FBXO42: variants seen among roughly 807,000 people sequenced by gnomAD.
FBXO42 encodes the protein F-box only protein 42.
A neutral mutation model predicts 71.7 loss-of-function variants in FBXO42; 12 were observed. The observed-to-expected ratio is 0.17, with a 90% CI of 0.11 to 0.27. The LOEUF (loss-of-function observed/expected upper bound fraction) is 0.27, where lower values mean the gene tolerates loss of function less well. FBXO42 is among the 10% of genes least tolerant of loss of function. The probability of loss-of-function intolerance (pLI) is 1.00; values close to 1 mark genes in which losing one functional copy is unlikely to be tolerated. For missense variants in FBXO42, 707 were observed against 911.9 expected, an observed-to-expected ratio of 0.78 and a Z score of 2.89; for synonymous variants, 325 against 327.5, an observed-to-expected ratio of 0.99 and a Z score of 0.08.
chr1:16,261,694 A>C (rs2081713104), intron 4 of FBXO42, among the ~76,000 whole-genome samples: 1 of 145,344 alleles, frequency 6.9e-6, no homozygotes, highest in South Asian at 2.1e-4. Context: ...TCAAGGATAC[A>C]GGTATATCAA....
At chr1:16,309,004 A>G (rs1304789723) in intron 2 of FBXO42, among the ~76,000 whole-genome samples, 1 of 141,144 alleles carries the variant, frequency 7.1e-6, no homozygotes, top group Non-Finnish European at 1.5e-5. Flanking sequence ...CGGCCTCCCA[A>G]AATGCTGGGA....
rs12070168 is a variant in FBXO42, at chr1:16,313,792, C to G, written c.250+1377G>C. On this transcript the variant is annotated intron_variant, in intron 2 of 9. Coordinates refer to ENST00000375592, the MANE Select transcript of FBXO42 (RefSeq NM_018994.3). ...CCCAGGAAAGAACACATTGAGACAACCCTCGCTTGATAAAAAATGACTCCA... is the reference window on the plus strand; with the variant it reads ...CCCAGGAAAGAACACATTGAGACAAGCCTCGCTTGATAAAAAATGACTCCA... Among the ~76,000 whole-genome samples the G allele has an allele frequency of 5.9e-3, 902 of 152,268 alleles. 7 individuals carry two copies. The highest frequency in any genetic ancestry group is 0.021 in the African/African-American group (866 of 41,552).
rs769724319 is a variant in FBXO42, at chr1:16,315,313, A to G, written c.106T>C (p.Leu36=). Reference sequence around the variant, plus strand: ...TTATGTCTAGTCTCCTCAGCCTCCAATACTGGGTGGGGCTCCTCATCTTGA... The same window carrying G: ...TTATGTCTAGTCTCCTCAGCCTCCAGTACTGGGTGGGGCTCCTCATCTTGA... The part of the protein sequence containing the change: ...MDQDEEPHPV[L]EAEETRHNRS... Residue 36 remains leucine (L), a synonymous_variant, in exon 2 of 10, where the codon TTG becomes CTG. Coordinates refer to ENST00000375592, the MANE Select transcript of FBXO42 (RefSeq NM_018994.3). 1 of 1,614,110 alleles carries G rather than the reference A, an allele frequency of 6.2e-7. No individual in the cohort carries two copies. The highest frequency in any genetic ancestry group is 8.5e-7 in the Non-Finnish European group (1 of 1,180,014).
intron 1 of FBXO42, among the ~76,000 whole-genome samples, chr1:16,348,306 TACA>T (rs1348085848): frequency 2.6e-5 from 4 of 151,606 alleles, no homozygotes; most frequent in Non-Finnish European, 5.9e-5. Flanking sequence ...AAATTAATTG[TACA>T]ACAACTACAG....
chr1:16,305,479 G>A (rs753026187), intron 3 of FBXO42, among the ~76,000 whole-genome samples: 1 of 152,182 alleles, frequency 6.6e-6, no homozygotes, highest in Non-Finnish European at 1.5e-5. Flanking sequence ...CACTCTGGGA[G>A]GCCAAGGCAG....
At chr1:16,347,105 A>AG (rs2082660118) in intron 1 of FBXO42, among the ~76,000 whole-genome samples, 2 of 152,160 alleles carry the variant, frequency 1.3e-5, no homozygotes, top group African/African-American at 4.8e-5. Flanking sequence ...TACATTTATC[A>AG]GATTTATATA....
chr1:16,320,373 A>AAG (rs1413793693), intron 1 of FBXO42, among the ~76,000 whole-genome samples: 2 of 151,730 alleles, frequency 1.3e-5, no homozygotes, highest in Non-Finnish European at 2.9e-5. Flanking sequence ...AAAAAAAAAA[A>AAG]AAAAAATCAA....
chr1:16,333,440 C>A (rs921752550), intron 1 of FBXO42, among the ~76,000 whole-genome samples: 2 of 135,524 alleles, frequency 1.5e-5, no homozygotes, highest in African/African-American at 2.7e-5. Context: ...AGTGAGACCC[C>A]CCCCCCCCAT....
rs1283019870 is a variant in FBXO42, at chr1:16,270,551, AG to A, written c.503-13793del. ...TTATTCACCAGAGCCTTCAAGATAAAGGCCAGGCCAGGTGCAGTGGCTCACG... is the reference window on the plus strand; with the variant it reads ...TTATTCACCAGAGCCTTCAAGATAAAGCCAGGCCAGGTGCAGTGGCTCACG... On this transcript the variant is annotated intron_variant, in intron 4 of 9. Coordinates refer to ENST00000375592, the MANE Select transcript of FBXO42 (RefSeq NM_018994.3). Among the ~76,000 whole-genome samples, 30 of 151,776 alleles carry A rather than the reference AG, an allele frequency of 2.0e-4. No individual in the cohort carries two copies. The East Asian group carries it at 5.0e-3, about 26-fold the overall frequency.
chr1:16,344,488 T>C (rs2082637129), intron 1 of FBXO42, among the ~76,000 whole-genome samples: 1 of 3,410 alleles, frequency 2.9e-4, no homozygotes, highest in Non-Finnish European at 5.2e-3. Flanking sequence ...CCAGCTAACT[T>C]TTTTTTTTTT....
intron 4 of FBXO42, among the ~76,000 whole-genome samples, chr1:16,289,213 A>C (rs1345057974): frequency 6.6e-6 from 1 of 151,718 alleles, no homozygotes; most frequent in Non-Finnish European, 1.5e-5. Context: ...CAGGCAACAT[A>C]GTGACACCCT....
intron 3 of FBXO42, among the ~76,000 whole-genome samples, chr1:16,305,234 A>T (rs987084985): frequency 2.6e-5 from 4 of 151,762 alleles, no homozygotes; most frequent in Non-Finnish European, 5.9e-5. Context: ...ATAATTTTTT[A>T]AAAATTAGCC....
intron 6 of FBXO42, 53 bp from the exon 7 acceptor site, chr1:16,253,784 A>T: frequency 6.6e-7 from 1 of 1,526,030 alleles, no homozygotes; most frequent in Non-Finnish European, 9.1e-7. Context: ...CAGGGACCAT[A>T]ATGGTGGCTG....
intron 4 of FBXO42, among the ~76,000 whole-genome samples, chr1:16,283,088 A>G (rs1378472190): frequency 1.3e-5 from 2 of 152,162 alleles, no homozygotes; most frequent in African/African-American, 4.8e-5. Context: ...TTCTCAGGTG[A>G]TCTGAATAAA....
chr1:16,323,836 G>A (rs1328444089), intron 1 of FBXO42, among the ~76,000 whole-genome samples: 1 of 150,762 alleles, frequency 6.6e-6, no homozygotes, highest in Non-Finnish European at 1.5e-5. Context: ...GGACAAGAAG[G>A]AGGAGCAGAG....
At chr1:16,278,345 G>A (rs904014187) in intron 4 of FBXO42, among the ~76,000 whole-genome samples, 20 of 148,350 alleles carry the variant, frequency 1.3e-4, no homozygotes, top group African/African-American at 3.8e-4. Flanking sequence ...CAACAAGAGC[G>A]AAACTCCATC....
chr1:16,301,716 C>T (rs1022930288), intron 3 of FBXO42, among the ~76,000 whole-genome samples: 2 of 150,472 alleles, frequency 1.3e-5, no homozygotes, highest in Non-Finnish European at 3.0e-5. Flanking sequence ...ACAAGAATGT[C>T]TAAGACATGG....
chr1:16,296,940 C>G (rs868769246), intron 3 of FBXO42, among the ~76,000 whole-genome samples: 15 of 144,042 alleles, frequency 1.0e-4, no homozygotes, highest in South Asian at 4.5e-4. Flanking sequence ...CCCCACCCCC[C>G]GCTTTTTGTT....
chr1:16,316,730 C>CAAAAAAAA (rs71003274), intron 1 of FBXO42, among the ~76,000 whole-genome samples: 2 of 51,564 alleles, frequency 3.9e-5, no homozygotes, highest in African/African-American at 8.1e-5. Context: ...GAAAGACTCT[C>CAAAAAAAA]AAAAAAAAAA....
Sources: allele counts gnomAD v4.1 joint callset (sites outside exome capture counted in the v4.1 genomes callset), GRCh38; gene constraint gnomAD v4.1.1; transcripts MANE v1.5; gene names NCBI Gene and HGNC (gene_info 2026-07-23, HGNC 2026-07-21).